Variants in SRRM3 observed in about 807,000 individuals in gnomAD.
The protein encoded by SRRM3 is serine/arginine repetitive matrix 3, also known as serine/arginine repetitive matrix protein 3.
A neutral mutation model predicts 66.2 loss-of-function variants in SRRM3; 27 were observed. The observed-to-expected ratio is 0.41, with a 90% CI of 0.30 to 0.56. The LOEUF (loss-of-function observed/expected upper bound fraction) is 0.56. SRRM3 is among the 20% of genes least tolerant of loss of function. The pLI is 0.32. For missense variants in SRRM3, 918 were observed against 991.9 expected (o/e 0.93, Z 1.00); for synonymous variants, 391 against 414.9 (o/e 0.94, Z 0.70).
chr7:76,254,970 C>G (rs1801671394), intron 3 of SRRM3, among the ~76,000 whole-genome samples: 1 of 151,928 alleles, frequency 6.6e-6, no homozygotes, highest in Non-Finnish European at 1.5e-5. Context: ...ATGAGCCTCT[C>G]CTCTGTCACC....
At chr7:76,283,931 C>A in intron 14 of SRRM3, 1 of 685,464 alleles carries the variant, frequency 1.5e-6, no homozygotes, top group Non-Finnish European at 1.8e-6. Context: ...CTGAGCCCAA[C>A]TCTGCCACTG....
chr7:76,235,285 G>A lies in SRRM3; in HGVS notation c.219G>A (p.Met73Ile). 2 of 1,527,076 alleles carry A rather than the reference G, an allele frequency of 1.3e-6. No homozygotes were observed. The highest frequency in any genetic ancestry group is 1.7e-6 in the Non-Finnish European group (2 of 1,143,188). 94.6% of individuals were successfully genotyped at this position (1,527,076 alleles called of 1,614,324 possible). A position where few individuals can be genotyped will look rare whatever the true frequency, so the allele number is the denominator to read the frequency against. The change falls in exon 2 of 15, where the codon ATG becomes ATA. Residue 73 changes from methionine to isoleucine, a missense_variant. Transcript: ENST00000611745. ...TCAAGTGCATGGAGCTGCAGGAGAT[G>A]ATGGAGGAGCAGGGGTGAGCAGGCC... ...VELKCMELQE[M>I]MEEQGYSEEE...
chr7:76,248,438 G>C, intron 3 of SRRM3, 149 bp downstream of exon 3: 3 of 617,236 alleles, frequency 4.9e-6, no homozygotes, highest in Non-Finnish European at 8.7e-6. Flanking sequence ...GGAGAGGAGA[G>C]CATGGTCTCT....
chr7:76,216,141 A>T lies in SRRM3; in HGVS notation c.-40+14074A>T, dbSNP rs147696501. 3.0e-3 allele frequency among the ~76,000 whole-genome samples: 451 copies of T among 147,954 alleles called. 5 individuals are homozygous for T. The highest frequency in any genetic ancestry group is 0.011 in the African/African-American group (425 of 39,652). ...CTAATTTTTTGTCATTTTAGTAGAG[A>T]TGGGGATTCACCATGTTGGCCAGGC... is the stretch of plus-strand genomic sequence containing the variant. On this transcript the variant is annotated intron_variant, in intron 1 of 14. Transcript: ENST00000611745.
At position 76,282,761 on chromosome 7, in the gene SRRM3, A is replaced by C. The variant is rs1554612154; in HGVS notation, c.1484A>C (p.His495Pro). 6.8e-7 allele frequency: 1 copy of C among 1,463,474 alleles called. No homozygotes were observed. Among genetic ancestry groups the C allele is most frequent in the Admixed American group, 2.4e-5 (1 of 41,050 alleles). 90.7% of individuals were successfully genotyped at this position (1,463,474 alleles called of 1,614,324 possible). The change falls in exon 13 of 15, where the codon CAC (histidine) becomes CCC (proline). Residue 495 changes from histidine (H) to proline (P), a missense_variant. His to Pro is a moderately conservative substitution (Grantham distance 77). Transcript: ENST00000611745. ...GKSSSRSPGP[H>P]PRSWSSSRSP... is the part of the protein sequence containing the mutation. ...AGCTCGTCGCGCAGCCCCGGCCCGC[A>C]CCCCCGCTCCTGGAGCTCCAGCCGC...
chr7:76,257,084 C>G (rs1801731989), intron 3 of SRRM3, among the ~76,000 whole-genome samples: 1 of 152,172 alleles, frequency 6.6e-6, no homozygotes, highest in Non-Finnish European at 1.5e-5. Context: ...GACCTCCTAT[C>G]TCATCCTGCG....
intron 1 of SRRM3, among the ~76,000 whole-genome samples, chr7:76,217,318 C>T (rs556034246): frequency 6.6e-6 from 1 of 152,240 alleles, no homozygotes; most frequent in East Asian, 1.9e-4. Context: ...AAGTTTTGCT[C>T]TTGTCCCCCA....
At chr7:76,226,156 C>T (rs1800860702) in intron 1 of SRRM3, among the ~76,000 whole-genome samples, 1 of 152,248 alleles carries the variant, frequency 6.6e-6, no homozygotes, top group Non-Finnish European at 1.5e-5. Context: ...CCGAAACAGG[C>T]TGGACCCTGC....
chr7:76,235,006 C>T (rs1387223949), intron 1 of SRRM3, 22 bp from the exon 2 acceptor site: 23 of 1,392,328 alleles, frequency 1.7e-5, no homozygotes, highest in Non-Finnish European at 2.2e-5. Flanking sequence ...CATCCCGCCT[C>T]GTGTCTGTGT....
intron 1 of SRRM3, among the ~76,000 whole-genome samples, chr7:76,211,810 TTAC>T (rs1277711258): frequency 6.5e-5 from 9 of 138,780 alleles, no homozygotes; most frequent in East Asian, 2.1e-4. Flanking sequence ...ATTATTACTA[TTAC>T]TACTATTATT....
intron 2 of SRRM3, 22 bp from the exon 3 acceptor site, chr7:76,248,166 C>T (rs1801487406): frequency 6.3e-7 from 1 of 1,598,876 alleles, no homozygotes. Flanking sequence ...CCAGCCCCTT[C>T]ACCCTCTCTG....
At chr7:76,240,027 G>A (rs1304079481) in intron 2 of SRRM3, among the ~76,000 whole-genome samples, 3 of 152,146 alleles carry the variant, frequency 2.0e-5, no homozygotes, top group African/African-American at 7.2e-5. Context: ...TTAGCCAGGT[G>A]TGGTGGTGGA....
intron 1 of SRRM3, among the ~76,000 whole-genome samples, chr7:76,217,198 C>A (rs782683525): frequency 1.3e-5 from 2 of 152,182 alleles, no homozygotes; most frequent in Non-Finnish European, 2.9e-5. Flanking sequence ...GAGCCCAGCT[C>A]CCCCTGTTAG....
chr7:76,216,716 C>T (rs1241832970), intron 1 of SRRM3, among the ~76,000 whole-genome samples: 2 of 152,168 alleles, frequency 1.3e-5, no homozygotes, highest in Non-Finnish European at 2.9e-5. Flanking sequence ...AGGTTTCTAG[C>T]TTGGGAGGGG....
At chr7:76,279,870 TGCCCACTCAGGA>T (rs1802449680) in intron 11 of SRRM3, among the ~76,000 whole-genome samples, 1 of 152,158 alleles carries the variant, frequency 6.6e-6, no homozygotes, top group African/African-American at 2.4e-5. Flanking sequence ...ACCTAAGAGT[TGCCCACTCAGGA>T]GCCGGGCGCT....
intron 8 of SRRM3, among the ~76,000 whole-genome samples, chr7:76,262,922 T>G (rs1268466725): frequency 1.3e-5 from 2 of 152,054 alleles, no homozygotes; most frequent in Admixed American, 6.6e-5. Flanking sequence ...GCAGTCACAT[T>G]CCAGAGGTGG....
intron 11 of SRRM3, among the ~76,000 whole-genome samples, chr7:76,279,968 C>A (rs1802453126): frequency 6.6e-6 from 1 of 152,120 alleles, no homozygotes; most frequent in Non-Finnish European, 1.5e-5. Context: ...CTCTCTCTCT[C>A]TCTATCTCTC....
At chr7:76,242,264 C>T (rs1583900122) in intron 2 of SRRM3, among the ~76,000 whole-genome samples, 1 of 152,184 alleles carries the variant, frequency 6.6e-6, no homozygotes, top group African/African-American at 2.4e-5. Flanking sequence ...GTGGGTGGAT[C>T]ACCTGAGGTC....
intron 2 of SRRM3, among the ~76,000 whole-genome samples, chr7:76,242,450 A>C (rs1801330611): frequency 6.7e-6 from 1 of 149,598 alleles, no homozygotes; most frequent in Non-Finnish European, 1.5e-5. Flanking sequence ...GCACCTTTGC[A>C]CTCCAGCCTG....
Sources: gnomAD v4.1 joint callset for allele counts (sites outside exome capture counted in the v4.1 genomes callset) on GRCh38, gnomAD v4.1.1 for gene constraint, MANE v1.5 for transcripts, NCBI Gene and HGNC (gene_info 2026-07-23, HGNC 2026-07-21) for gene names.